The following SIGLEC12 variants were observed in gnomAD, a reference collection of about 807,000 sequenced individuals.
The protein encoded by SIGLEC12 is sialic acid-binding Ig-like lectin 12.
A neutral mutation model predicts 54.1 loss-of-function variants in SIGLEC12; 43 were observed. That is an observed-to-expected ratio of 0.80 (90% confidence interval 0.62 to 1.03). The LOEUF (loss-of-function observed/expected upper bound fraction) is 1.03. Among genes scored for constraint, SIGLEC12 ranks in the 50% least tolerant of loss-of-function variants. The pLI is 0.00. For missense variants in SIGLEC12, 802 were observed against 735.2 expected (o/e 1.09, Z -1.05); for synonymous variants, 357 against 307.6 (o/e 1.16, Z -1.68).
chr19:51,499,384 A>G (rs1324796284), intron 3 of SIGLEC12, 54 bp downstream of exon 3: 5 of 1,545,030 alleles, frequency 3.2e-6, no homozygotes, highest in Non-Finnish European at 4.4e-6. Flanking sequence ...CCCACATCCA[A>G]CTGGCCTCAA....
rs1990405708 is a variant in SIGLEC12, at chr19:51,501,745, G to A, written c.-12C>T. ...AGCAGCAGTAGCATGTGTCGGGTTG[G>A]AGGTGCCAGGGTTGCTGAGGTAAGT... On this transcript the variant is annotated 5_prime_UTR_variant, in exon 1 of 8. Coordinates refer to ENST00000291707, the MANE Select transcript of SIGLEC12 (RefSeq NM_053003.4). 13 of 1,588,216 alleles carry A rather than the reference G, an allele frequency of 8.2e-6. No individual in the cohort carries two copies. In the East Asian group the frequency reaches 2.9e-4, roughly 36 times the overall value.
At chr19:51,496,999 C>A (rs367885606) in intron 6 of SIGLEC12, 23 bp from the exon 7 acceptor site, 2 of 1,612,550 alleles carry the variant, frequency 1.2e-6, no homozygotes, top group African/African-American at 2.7e-5. Context: ...ACCAGAGAGC[C>A]TTTCAGTGTG....
intron 1 of SIGLEC12, 33 bp from the exon 2 acceptor site, chr19:51,500,333 C>T (rs779837453): frequency 1.2e-6 from 2 of 1,614,028 alleles, no homozygotes; most frequent in African/African-American, 1.3e-5. Context: ...CCAGCCCCCA[C>T]TGTCCCTCTC....
At position 51,491,794 on chromosome 19, in the gene SIGLEC12, G is replaced by A. The variant is rs760618039; in HGVS notation, c.1635C>T (p.Pro545=). 1.3e-5 allele frequency: 20 copies of A among 1,594,980 alleles called. No homozygotes were observed. The Admixed American group carries it at 3.3e-4, about 26-fold the overall frequency. ...CCAGGGCTGGCGGAGCATGGTGTGG[G>A]GGGCTGTCATCTGCCGGGGATTCAA... ...PLIESPADDS[P]PHHAPPALAT... is the part of the protein sequence containing the mutation. Residue 545 remains proline (P), a synonymous_variant, in exon 8 of 8, where the codon CCC becomes CCT. Coordinates refer to ENST00000291707, the MANE Select transcript of SIGLEC12 (RefSeq NM_053003.4).
rs889196988 is a variant in SIGLEC12 at position 51,498,102 on chromosome 19, C to T, written c.1321G>A (p.Glu441Lys). Residue 441 changes from glutamate to lysine, a missense_variant, in exon 5 of 8, where the codon GAA becomes AAA. Physicochemically the swap from Glu to Lys is moderately conservative, Grantham distance 56. Transcript: ENST00000291707. The stretch of plus-strand genomic sequence containing the variant: ...TGAGCTCGGCAGGTGAATTCCCCTT[C>T]ATCCTTCACATGCACTCGAGGCAGC... ...LELPRVHVKD[E>K]GEFTCRAQNP... 1.2e-5 allele frequency: 20 copies of T among 1,614,140 alleles called. No homozygotes were observed. Among genetic ancestry groups the T allele is most frequent in the Non-Finnish European group, 3.4e-6 (4 of 1,180,056 alleles).
At chr19:51,495,265 A>G (rs868341340) in intron 7 of SIGLEC12, among the ~76,000 whole-genome samples, 782 of 59,202 alleles carry the variant, frequency 0.013, 35 homozygotes, top group East Asian at 0.025. Flanking sequence ...GGGTGGGTGG[A>G]TGGATGGATG....
rs144370057 is a variant in SIGLEC12 at position 51,501,314 on chromosome 19, A to G, written c.420T>C (p.Asn140=). Residue 140 remains asparagine (N), a synonymous_variant, in exon 1 of 8, where the codon AAT becomes AAC. Transcript: ENST00000291707. ...TTGGAGCCCGTGCCTTACCTGTCAC[A>G]TTCACAGAGAGCTGGTCATATTTAT... The part of the protein sequence containing the change: ...WNYKYDQLSV[N]VTASQDLLSR... The G allele has an allele frequency of 1.4e-4, 218 of 1,614,116 alleles. No homozygotes were observed. In the African/African-American group the frequency reaches 1.6e-3, roughly 12 times the overall value.
chr19:51,501,727 G>A lies in SIGLEC12; in HGVS notation c.7C>T (p.Leu3=). The stretch of plus-strand genomic sequence containing the variant: ...AGGGGTGGCAGCAGTAGCAGCAGCA[G>A]TAGCATGTGTCGGGTTGGAGGTGCC... ML[L]LLLLLPPLLC... is the part of the protein sequence containing the mutation. The change falls in exon 1 of 8, where the codon CTG becomes TTG. Residue 3 remains leucine, a synonymous_variant. Coordinates refer to ENST00000291707, the MANE Select transcript of SIGLEC12 (RefSeq NM_053003.4). 2 of 1,603,614 alleles carry A rather than the reference G, an allele frequency of 1.2e-6. No individual in the cohort carries two copies. Among genetic ancestry groups the A allele is most frequent in the Non-Finnish European group, 8.5e-7 (1 of 1,172,992 alleles).
chr19:51,491,460 C>T lies in SIGLEC12; in HGVS notation c.*181G>A, dbSNP rs998809524. On this transcript the variant is annotated 3_prime_UTR_variant, in exon 8 of 8. Coordinates refer to ENST00000291707, the MANE Select transcript of SIGLEC12 (RefSeq NM_053003.4). ...GAGGCCGGGGGCGGGGAGTGTGGACCGATTGGATGGAGAAAGGGAGAGTTT... is the reference window on the plus strand; with the variant it reads ...GAGGCCGGGGGCGGGGAGTGTGGACTGATTGGATGGAGAAAGGGAGAGTTT... The T allele has an allele frequency of 5.3e-5, 32 of 604,608 alleles. No individual in the cohort carries two copies. Among genetic ancestry groups the T allele is most frequent in the Non-Finnish European group, 8.1e-5 (28 of 347,140 alleles). 37.5% of individuals were successfully genotyped at this position (604,608 alleles called of 1,614,324 possible).
intron 4 of SIGLEC12, 69 bp downstream of exon 4, chr19:51,499,101 G>A (rs982178453): frequency 3.9e-6 from 6 of 1,551,296 alleles, no homozygotes; most frequent in Non-Finnish European, 5.3e-6. Flanking sequence ...GGTCACCAGG[G>A]TGAGTCCTGG....
chr19:51,500,242 C>T lies in SIGLEC12; in HGVS notation c.486G>A (p.Gln162=), dbSNP rs758306269. Residue 162 remains glutamine (Q), a synonymous_variant, in exon 2 of 8, where the codon CAG becomes CAA. Transcript: ENST00000291707. ...RLEVPESVTV[Q]EGLCVSVPCS... is the part of the protein sequence containing the mutation. ...AGGGCACAGAGACACACAGACCCTC[C>T]TGCACAGTCACCGACTCTGGCACCT... 4 of 1,614,198 alleles carry T rather than the reference C, an allele frequency of 2.5e-6. No homozygotes were observed. Among genetic ancestry groups the T allele is most frequent in the South Asian group, 1.1e-5 (1 of 91,090 alleles).
At position 51,498,038 on chromosome 19, in the gene SIGLEC12, G is replaced by A. The variant is rs267605618; in HGVS notation, c.1385C>T (p.Ser462Phe). Residue 462 changes from serine (S) to phenylalanine (F), a missense_variant, in exon 5 of 8, where the codon TCC becomes TTC. Physicochemically the swap from Ser to Phe is radical, Grantham distance 155 (BLOSUM62 -2). Coordinates refer to ENST00000291707, the MANE Select transcript of SIGLEC12 (RefSeq NM_053003.4). Reference protein sequence around the residue: ...LGSQHISLSLSLQNEYTGKMR... With the variant: ...LGSQHISLSLFLQNEYTGKMR... ...CCCACCTGTGTACTCGTTTTGCAGG[G>A]AGAGGCTCAGGGAAATGTGCTGGGA... 6.2e-6 allele frequency: 10 copies of A among 1,614,222 alleles called. No homozygotes were observed. The Admixed American group carries it at 1.5e-4, about 24-fold the overall frequency.
chr19:51,492,040 T>A (rs541905369), intron 7 of SIGLEC12, among the ~76,000 whole-genome samples: 1 of 152,304 alleles, frequency 6.6e-6, no homozygotes, highest in African/African-American at 2.4e-5. Context: ...AACAATTCCA[T>A]AGTAAGATAT....
chr19:51,497,003 C>T (rs1230579196), intron 6 of SIGLEC12, 27 bp from the exon 7 acceptor site: 1 of 1,612,502 alleles, frequency 6.2e-7, no homozygotes, highest in African/African-American at 1.3e-5. Context: ...GAGAGCCTTT[C>T]AGTGTGGTCA....
rs1278269199 is a variant in SIGLEC12 at position 51,500,011 on chromosome 19, C to T, written c.717G>A (p.Arg239=). Residue 239 remains arginine, a synonymous_variant, in exon 2 of 8, where the codon AGG becomes AGA. Transcript: ENST00000291707. ...NNCSLSIRDA[R]KGDSGKYYFQ... is the part of the protein sequence containing the mutation. ...AGTAGTACTTCCCTGAATCCCCCTTCCTGGCATCTCTGATGCTCAGGGAGC... is the reference window on the plus strand; with the variant it reads ...AGTAGTACTTCCCTGAATCCCCCTTTCTGGCATCTCTGATGCTCAGGGAGC... The T allele has an allele frequency of 6.2e-7, 1 of 1,614,220 alleles. No individual in the cohort carries two copies. Among genetic ancestry groups the T allele is most frequent in the Non-Finnish European group, 8.5e-7 (1 of 1,180,026 alleles).
At position 51,501,476 on chromosome 19, in the gene SIGLEC12, C is replaced by T. The variant is rs756955063; in HGVS notation, c.258G>A (p.Gln86=). The change falls in exon 1 of 8, where the codon CAG becomes CAA. Residue 86 remains glutamine (Q), a synonymous_variant. Coordinates refer to ENST00000291707, the MANE Select transcript of SIGLEC12 (RefSeq NM_053003.4). Reference sequence around the variant, plus strand: ...GGTGGAATCGGTCCCGAGTCTCCTCCTGCACTGCTCGAGCTGGGTTGTTTG... The same window carrying T: ...GGTGGAATCGGTCCCGAGTCTCCTCTTGCACTGCTCGAGCTGGGTTGTTTG... ...VATNNPARAV[Q]EETRDRFHLL... 2.5e-6 allele frequency: 4 copies of T among 1,613,902 alleles called. No individual in the cohort carries two copies. Among genetic ancestry groups the T allele is most frequent in the Non-Finnish European group, 3.4e-6 (4 of 1,179,916 alleles).
chr19:51,496,682 A>G (rs1990247284), intron 7 of SIGLEC12, among the ~76,000 whole-genome samples, 198 bp downstream of exon 7: 1 of 152,064 alleles, frequency 6.6e-6, no homozygotes, highest in Non-Finnish European at 1.5e-5. Flanking sequence ...CCAGACAGAG[A>G]TCCAGAGGCT....
At position 51,496,953 on chromosome 19, in the gene SIGLEC12, G is replaced by A. The variant is rs374018929; in HGVS notation, c.1526C>T (p.Ser509Leu). The A allele has an allele frequency of 7.3e-5, 118 of 1,613,444 alleles. No individual in the cohort carries two copies. Among genetic ancestry groups the A allele is most frequent in the African/African-American group, 5.9e-4 (44 of 75,018 alleles). The change falls in exon 7 of 8, where the codon TCG becomes TTG. Residue 509 changes from serine (S) to leucine (L), a missense_variant. Ser to Leu is a moderately radical substitution (Grantham distance 145, BLOSUM62 -2). Coordinates refer to ENST00000291707, the MANE Select transcript of SIGLEC12 (RefSeq NM_053003.4). The stretch of plus-strand genomic sequence containing the variant: ...CCCCACGCCCACTGCTGGCCTTGCC[G>A]ATTTCTTCCTGCAGGACCTCACTCT... ...FVVVRSCRKK[S>L]ARPAVGVGDT...
chr19:51,500,313 G>A lies in SIGLEC12; in HGVS notation c.428-13C>T, dbSNP rs373432544. The A allele has an allele frequency of 3.4e-5, 55 of 1,613,992 alleles. No homozygotes were observed. The African/African-American group carries it at 5.1e-4, about 15-fold the overall frequency. Reference sequence around the variant, plus strand: ...AGGTCCTGGGACGCTGTGGAGAAACGAGGGTCAGCCCAGCCCCCACTGTCC... The same window carrying A: ...AGGTCCTGGGACGCTGTGGAGAAACAAGGGTCAGCCCAGCCCCCACTGTCC... On this transcript the variant is annotated splice_polypyrimidine_tract_variant and intron_variant, in intron 1 of 7. Coordinates refer to ENST00000291707, the MANE Select transcript of SIGLEC12 (RefSeq NM_053003.4).
Sources: gnomAD v4.1 joint callset for allele counts (sites outside exome capture counted in the v4.1 genomes callset) on GRCh38, gnomAD v4.1.1 for gene constraint, MANE v1.5 for transcripts, NCBI Gene and HGNC (gene_info 2026-07-23, HGNC 2026-07-21) for gene names.